Variants in ST8SIA5 observed in about 807,000 individuals in gnomAD.
ST8SIA5 encodes the protein alpha-2,8-sialyltransferase 8E.
A neutral mutation model predicts 40.2 loss-of-function variants in ST8SIA5; 24 were observed. The observed-to-expected ratio is 0.60, with a 90% confidence interval of 0.43 to 0.84. ST8SIA5 has a LOEUF of 0.84. ST8SIA5 is among the 40% of genes least tolerant of loss of function. The pLI is 0.00. For missense variants in ST8SIA5, 465 were observed against 498.5 expected (o/e 0.93, Z 0.64); for synonymous variants, 198 against 201.8 (o/e 0.98, Z 0.16).
At chr18:46,748,574 A>G (rs1394626650) in intron 1 of ST8SIA5, among the ~76,000 whole-genome samples, 1 of 151,324 alleles carries the variant, frequency 6.6e-6, no homozygotes, top group Non-Finnish European at 1.5e-5. Context: ...AAAAAAAAAA[A>G]AGGCAAAGAA....
chr18:46,716,746 A>G (rs532897889), intron 1 of ST8SIA5, among the ~76,000 whole-genome samples: 1 of 152,344 alleles, frequency 6.6e-6, no homozygotes, highest in East Asian at 1.9e-4. Flanking sequence ...CTGAGCAAAC[A>G]CAGAAGGATT....
intron 1 of ST8SIA5, among the ~76,000 whole-genome samples, chr18:46,736,209 A>G (rs148668285): frequency 9.8e-5 from 15 of 152,330 alleles, no homozygotes; most frequent in Non-Finnish European, 1.0e-4. Flanking sequence ...ATGTACAGAC[A>G]GCATGTCTCA....
At chr18:46,695,227 T>C (rs947114734) in intron 2 of ST8SIA5, among the ~76,000 whole-genome samples, 1 of 152,034 alleles carries the variant, frequency 6.6e-6, no homozygotes, top group African/African-American at 2.4e-5. Flanking sequence ...CTGTGTTTAA[T>C]TGGAGGTGGT....
At chr18:46,700,465 G>T (rs1273162500) in intron 2 of ST8SIA5, among the ~76,000 whole-genome samples, 1 of 152,158 alleles carries the variant, frequency 6.6e-6, no homozygotes, top group Non-Finnish European at 1.5e-5. Context: ...GAAGCCCCCG[G>T]GTCCCAAGAT....
At position 46,679,118 on chromosome 18, in the gene ST8SIA5, A is replaced by AGGAATCCT. The variant is rs1212365688; in HGVS notation, c.*923_*924insAGGATTCC. 9.9e-5 allele frequency: 15 copies of AGGAATCCT among 152,240 alleles called. No homozygotes were observed. The highest frequency in any genetic ancestry group is 3.6e-4 in the African/African-American group (15 of 41,452). 9.4% of individuals were successfully genotyped at this position (152,240 alleles called of 1,614,324 possible). On this transcript the variant is annotated 3_prime_UTR_variant, in exon 7 of 7. Transcript: ENST00000315087. The stretch of plus-strand genomic sequence containing the variant: ...CAGCAGGATTCTGCAGGATTCAGAG[A>AGGAATCCT]CATGAGAGGAAGAGGTCTTTATAAA...
At chr18:46,701,222 C>A (rs1232626616) in intron 2 of ST8SIA5, among the ~76,000 whole-genome samples, 2 of 141,254 alleles carry the variant, frequency 1.4e-5, no homozygotes, top group Non-Finnish European at 3.0e-5. Flanking sequence ...CTCACTGCAA[C>A]CTCCACCTCC....
At chr18:46,716,174 C>T (rs2039789842) in intron 1 of ST8SIA5, among the ~76,000 whole-genome samples, 1 of 151,964 alleles carries the variant, frequency 6.6e-6, no homozygotes, top group Non-Finnish European at 1.5e-5. Context: ...TGGAAGTGAC[C>T]TAATCTTTTG....
chr18:46,698,063 A>G (rs1252798328), intron 2 of ST8SIA5, among the ~76,000 whole-genome samples: 2 of 152,150 alleles, frequency 1.3e-5, no homozygotes, highest in African/African-American at 2.4e-5. Context: ...CCCACAACCC[A>G]CCACACCAAC....
chr18:46,691,597 T>C (rs1011994368), intron 3 of ST8SIA5: 3 of 153,138 alleles, frequency 2.0e-5, no homozygotes, highest in African/African-American at 7.2e-5. Flanking sequence ...ACATCTGTTA[T>C]TTGCAGAGTT....
Position 46,756,579 on chromosome 18 carries a change from C to CG in ST8SIA5, c.-72dup. The stretch of plus-strand genomic sequence containing the variant: ...AATGACTCGCGGGGTTCCGGGGCCC[C>CG]GGGGGGCGCGCGGCCGACTTGGCGC... On this transcript the variant is annotated 5_prime_UTR_variant, in exon 1 of 7. Transcript: ENST00000315087. The CG allele has an allele frequency of 6.6e-7, 1 of 1,515,072 alleles. No homozygotes were observed. The allele number at this position is 1,515,072 out of a possible 1,614,324, so 93.9% of individuals were successfully genotyped here.
At chr18:46,746,328 A>T (rs1223695072) in intron 1 of ST8SIA5, among the ~76,000 whole-genome samples, 1 of 152,206 alleles carries the variant, frequency 6.6e-6, no homozygotes, top group Non-Finnish European at 1.5e-5. Context: ...CCATTATCTC[A>T]GCCCAAAATC....
chr18:46,726,927 AAAC>A (rs751091993), intron 1 of ST8SIA5, among the ~76,000 whole-genome samples: 5 of 152,178 alleles, frequency 3.3e-5, no homozygotes, highest in Non-Finnish European at 5.9e-5. Context: ...ACAAACAAAC[AAAC>A]AACAACAACA....
chr18:46,708,072 T>C (rs2039687038), intron 1 of ST8SIA5, among the ~76,000 whole-genome samples: 1 of 152,108 alleles, frequency 6.6e-6, no homozygotes, highest in Non-Finnish European at 1.5e-5. Flanking sequence ...GAAAAAACAC[T>C]GCTGAGCATT....
chr18:46,695,217 C>CTCTACA (rs1255242659), intron 2 of ST8SIA5, among the ~76,000 whole-genome samples: 4 of 151,862 alleles, frequency 2.6e-5, no homozygotes, highest in Non-Finnish European at 5.9e-5. Context: ...GAGGCATGTC[C>CTCTACA]TGTGTTTAAT....
intron 2 of ST8SIA5, among the ~76,000 whole-genome samples, chr18:46,695,177 A>AC (rs397974582): frequency 1.1e-4 from 16 of 149,162 alleles, no homozygotes; most frequent in Non-Finnish European, 6.0e-5. Context: ...AAAAAAAAAA[A>AC]CCCTTTTTAA....
intron 2 of ST8SIA5, among the ~76,000 whole-genome samples, chr18:46,702,234 T>C (rs991062591): frequency 6.6e-6 from 1 of 151,952 alleles, no homozygotes; most frequent in African/African-American, 2.4e-5. Context: ...ATTTGCACAG[T>C]AAAACATGGA....
chr18:46,728,726 C>A (rs1322087415), intron 1 of ST8SIA5, among the ~76,000 whole-genome samples: 1 of 152,192 alleles, frequency 6.6e-6, no homozygotes, highest in Non-Finnish European at 1.5e-5. Flanking sequence ...GGCCCCCCCA[C>A]ATGCTCTGGA....
At chr18:46,730,871 TTTGGGAGGCTGAA>T (rs1260391031) in intron 1 of ST8SIA5, among the ~76,000 whole-genome samples, 1 of 152,092 alleles carries the variant, frequency 6.6e-6, no homozygotes, top group Non-Finnish European at 1.5e-5. Flanking sequence ...ATTCCAGTGC[TTTGGGAGGCTGAA>T]GTGGGAGGAT....
At chr18:46,691,866 T>C (rs1251174429) in intron 3 of ST8SIA5, 2 of 399,500 alleles carry the variant, frequency 5.0e-6, no homozygotes, top group Admixed American at 3.6e-5. Flanking sequence ...CGCCCACACA[T>C]GCTTCCCTGC....
Sources: gnomAD v4.1 joint callset for allele counts (sites outside exome capture counted in the v4.1 genomes callset) on GRCh38, gnomAD v4.1.1 for gene constraint, MANE v1.5 for transcripts, NCBI Gene and HGNC (gene_info 2026-07-23, HGNC 2026-07-21) for gene names.